The following BPTF variants were observed in gnomAD, a reference collection of about 807,000 sequenced individuals.
The protein encoded by BPTF is nucleosome-remodeling factor subunit BPTF.
In BPTF, 18 loss-of-function variants were observed where a neutral mutation model predicts 292.5. That is an observed-to-expected ratio of 0.06 (90% CI 0.04 to 0.09). The LOEUF (loss-of-function observed/expected upper bound fraction) is 0.09, where lower values mean the gene tolerates loss of function less well. Among genes scored for constraint, BPTF ranks in the 10% least tolerant of loss-of-function variants. The pLI is 1.00. For missense variants in BPTF, 2,726 were observed against 3,498.7 expected (o/e 0.78, Z 5.57); for synonymous variants, 1,225 against 1,251.9 (o/e 0.98, Z 0.45).
chr17:67,966,310 G>A (rs1555687336), intron 25 of BPTF: 5 of 350,868 alleles, frequency 1.4e-5, no homozygotes. Context: ...CATCATGTAG[G>A]GCCCAGAATA....
chr17:67,929,510 T>G, intron 17 of BPTF, 23 bp downstream of exon 17: 1 of 1,611,898 alleles, frequency 6.2e-7, no homozygotes, highest in Non-Finnish European at 8.5e-7. Flanking sequence ...ACAGACTTAT[T>G]TGGTTTGATG....
rs1355040971 is a variant in BPTF at position 67,870,379 on chromosome 17, C to T, written c.1660+3692C>T. Among the ~76,000 whole-genome samples the T allele has an allele frequency of 5.3e-5, 8 of 151,708 alleles. No homozygotes were observed. In the East Asian group the frequency reaches 1.4e-3, roughly 26 times the overall value. On this transcript the variant is annotated intron_variant, in intron 3 of 27. Coordinates refer to ENST00000306378, the MANE Select transcript of BPTF (RefSeq NM_182641.4). ...GGACACGGACATTTTTGGGTGCCTC[C>T]TGTGGGCCAGGTGCTCAACTAGGTG...
At chr17:67,954,301 G>A (rs1422576352) in intron 23 of BPTF, among the ~76,000 whole-genome samples, 3 of 151,966 alleles carry the variant, frequency 2.0e-5, no homozygotes, top group Non-Finnish European at 2.9e-5. Context: ...CCAAAGTGCT[G>A]GGATTACAGG....
chr17:67,937,675 C>T (rs1040312722), intron 18 of BPTF, among the ~76,000 whole-genome samples: 3 of 150,072 alleles, frequency 2.0e-5, no homozygotes, highest in Non-Finnish European at 4.4e-5. Flanking sequence ...CAGTGGATCT[C>T]AGGGGGACCC....
chr17:67,942,754 A>G (rs1485906978), intron 19 of BPTF, among the ~76,000 whole-genome samples: 1 of 152,246 alleles, frequency 6.6e-6, no homozygotes, highest in African/African-American at 2.4e-5. Flanking sequence ...AGCTAAGTAA[A>G]TTGTAGTATA....
intron 1 of BPTF, among the ~76,000 whole-genome samples, chr17:67,843,754 C>CTTTTTTTTTTTTTTTTTTTTTTTTTTTTT (rs56335701): frequency 3.2e-5 from 2 of 62,228 alleles, no homozygotes; most frequent in African/African-American, 1.7e-4. Flanking sequence ...GAGCAGTTGT[C>CTTTTTTTTTTTTTTTTTTTTTTTTTTTTT]TTTTTTTTTT....
intron 15 of BPTF, among the ~76,000 whole-genome samples, chr17:67,926,163 G>A (rs897473231): frequency 2.0e-5 from 3 of 150,256 alleles, no homozygotes; most frequent in South Asian, 2.1e-4. Context: ...ATGCACCACC[G>A]TGTCTGGCTG....
Position 67,931,907 on chromosome 17 carries a change from A to AT in BPTF, c.6151-3dup. On this transcript the variant is annotated splice_polypyrimidine_tract_variant and splice_region_variant and intron_variant, in intron 17 of 27. Coordinates refer to ENST00000306378, the MANE Select transcript of BPTF (RefSeq NM_182641.4). ...TAATTCATTGTTCTTTGTGTCATTTATAGGTAATCACAGGGCCTCAGATTC... is the reference window on the plus strand; with the variant it reads ...TAATTCATTGTTCTTTGTGTCATTTATTAGGTAATCACAGGGCCTCAGATTC... The AT allele has an allele frequency of 6.2e-7, 1 of 1,605,722 alleles. No homozygotes were observed. Among genetic ancestry groups the AT allele is most frequent in the Non-Finnish European group, 8.5e-7 (1 of 1,173,700 alleles).
intron 22 of BPTF, 86 bp from the exon 23 acceptor site, chr17:67,947,995 T>C: frequency 7.2e-7 from 1 of 1,384,012 alleles, no homozygotes; most frequent in Non-Finnish European, 1.0e-6. Flanking sequence ...AGTTTTTGTC[T>C]CATCTGTAGA....
At position 67,981,336 on chromosome 17, in the gene BPTF, C is replaced by T. The variant is rs548772537; in HGVS notation, c.8727-916C>T. ...TTCAGAATTTCCTTTGCCATATTTT[C>T]CCATTTTATGATCTCCAGCATTGTT... On this transcript the variant is annotated intron_variant, in intron 27 of 27. Transcript: ENST00000306378. 719 of 306,238 alleles carry T rather than the reference C, an allele frequency of 2.3e-3. 2 individuals are homozygous for T. The highest frequency in any genetic ancestry group is 0.012 in the Middle Eastern group (9 of 772). 19.0% of individuals were successfully genotyped at this position (306,238 alleles called of 1,614,324 possible). A position where few individuals can be genotyped will look rare whatever the true frequency, so the allele number is the denominator to read the frequency against.
At chr17:67,932,373 C>G (rs2064474521) in intron 18 of BPTF, among the ~76,000 whole-genome samples, 1 of 152,174 alleles carries the variant, frequency 6.6e-6, no homozygotes, top group African/African-American at 2.4e-5. Context: ...ATTTATTACT[C>G]TTAATGAGAA....
At chr17:67,897,332 ACT>A (rs547818080) in intron 7 of BPTF, among the ~76,000 whole-genome samples, 120 of 129,092 alleles carry the variant, frequency 9.3e-4, no homozygotes, top group African/African-American at 3.5e-3. Flanking sequence ...CAAGAGTGAA[ACT>A]CTGTCTCAAA....
At chr17:67,920,556 A>G (rs2063364387) in intron 13 of BPTF, among the ~76,000 whole-genome samples, 1 of 152,242 alleles carries the variant, frequency 6.6e-6, no homozygotes, top group Admixed American at 6.5e-5. Flanking sequence ...CAAGGTAGAG[A>G]TAATCCAAGA....
intron 27 of BPTF, chr17:67,981,495 C>G (rs2070353518): frequency 8.3e-7 from 1 of 1,200,466 alleles, no homozygotes; most frequent in Non-Finnish European, 1.1e-6. Flanking sequence ...TGGGGTCACT[C>G]TTTGTTTTAT....
At position 67,911,755 on chromosome 17, in the gene BPTF, A is replaced by T; in HGVS notation, c.3871A>T (p.Asn1291Tyr). Residue 1291 changes from asparagine (N) to tyrosine (Y), a missense_variant, in exon 11 of 28, where the codon AAT becomes TAT. By Grantham distance (143) the Asn-to-Tyr change is moderately radical. This residue lies in a region of BPTF where 713 missense variants were observed against 714.9 expected (regional missense o/e 1.00). Coordinates refer to ENST00000306378, the MANE Select transcript of BPTF (RefSeq NM_182641.4). Reference sequence around the variant, plus strand: ...CTCTGAATCTAATAGCACTTTGGAAAATAGTTCTGATACCGTGTCTATTCA... The same window carrying T: ...CTCTGAATCTAATAGCACTTTGGAATATAGTTCTGATACCGTGTCTATTCA... Reference protein sequence around the residue: ...CDSESNSTLENSSDTVSIQDS... With the variant: ...CDSESNSTLEYSSDTVSIQDS... 1.2e-6 allele frequency: 2 copies of T among 1,614,180 alleles called. No individual in the cohort carries two copies. Among genetic ancestry groups the T allele is most frequent in the Non-Finnish European group, 1.7e-6 (2 of 1,180,018 alleles).
At chr17:67,826,556 C>T (rs997784351) in intron 1 of BPTF, among the ~76,000 whole-genome samples, 1 of 150,178 alleles carries the variant, frequency 6.7e-6, no homozygotes, top group Non-Finnish European at 1.5e-5. Context: ...TTGCAGTTTG[C>T]AGGCCACACT....
chr17:67,967,634 A>T (rs1257652519), intron 26 of BPTF, among the ~76,000 whole-genome samples: 1 of 152,084 alleles, frequency 6.6e-6, no homozygotes, highest in Non-Finnish European at 1.5e-5. Flanking sequence ...CAGCCTGGCC[A>T]ACATGGCGAA....
chr17:67,864,633 C>CTGCTTTA (rs938205873), intron 2 of BPTF, among the ~76,000 whole-genome samples: 3 of 151,708 alleles, frequency 2.0e-5, no homozygotes, highest in African/African-American at 4.8e-5. Flanking sequence ...CACTGTTTTG[C>CTGCTTTA]TGCTTTATGC....
intron 26 of BPTF, among the ~76,000 whole-genome samples, chr17:67,971,660 C>A (rs535780506): frequency 1.3e-5 from 2 of 151,566 alleles, no homozygotes; most frequent in African/African-American, 4.8e-5. Context: ...CAAAATTAGT[C>A]GGGCATGGTG....
Sources: allele counts gnomAD v4.1 joint callset (sites outside exome capture counted in the v4.1 genomes callset), GRCh38; gene constraint gnomAD v4.1.1; regional missense constraint gnomAD v4.1.1; transcripts MANE v1.5; gene names NCBI Gene and HGNC (gene_info 2026-07-23, HGNC 2026-07-21).